The following LYRM4 variants were observed in gnomAD, a reference collection of about 807,000 sequenced individuals.
LYRM4 encodes the protein LYR motif containing 4.
Under a neutral mutation model 11.7 loss-of-function variants are expected in LYRM4, and 9 were observed. The ratio of observed to expected loss-of-function variants is 0.77; its 90% CI spans 0.46 to 1.34. The LOEUF (loss-of-function observed/expected upper bound fraction) is 1.34, where lower values mean the gene tolerates loss of function less well. LYRM4 is among the 40% of genes most tolerant of loss of function. LYRM4 has a pLI of 0.00. For missense variants in LYRM4, 133 were observed against 112.5 expected (o/e 1.18, Z -0.82); for synonymous variants, 42 against 40.4 (o/e 1.04, Z -0.15).
At chr6:5,178,864 A>G (rs1346170035) in intron 2 of LYRM4, among the ~76,000 whole-genome samples, 3 of 150,202 alleles carry the variant, frequency 2.0e-5, no homozygotes, top group African/African-American at 7.3e-5. Flanking sequence ...TCACTGCTAC[A>G]AAGCGTTGAA....
intron 1 of LYRM4, among the ~76,000 whole-genome samples, chr6:5,250,688 T>G (rs1473210841): frequency 6.6e-6 from 1 of 151,512 alleles, no homozygotes; most frequent in Non-Finnish European, 1.5e-5. Context: ...CGCCACAGGC[T>G]CTATATGAAA....
chr6:5,243,695 G>A (rs558303575), intron 1 of LYRM4, among the ~76,000 whole-genome samples: 155 of 152,282 alleles, frequency 1.0e-3, no homozygotes, highest in African/African-American at 3.5e-3. Context: ...GATAATAGAA[G>A]CTATGAAACA....
chr6:5,178,512 G>A (rs1013350690), intron 2 of LYRM4, among the ~76,000 whole-genome samples: 1 of 150,494 alleles, frequency 6.6e-6, no homozygotes, highest in African/African-American at 2.4e-5. Context: ...GTGGAGCGGG[G>A]AATGAAAAAT....
chr6:5,146,028 C>T (rs1482709574), intron 2 of LYRM4, among the ~76,000 whole-genome samples: 2 of 152,168 alleles, frequency 1.3e-5, no homozygotes, highest in Non-Finnish European at 2.9e-5. Flanking sequence ...ATTCCTCTAG[C>T]ATATATATAC....
Position 5,212,751 on chromosome 6 carries a change from G to A in LYRM4, c.207+3867C>T, listed in dbSNP as rs200045563. Among the ~76,000 whole-genome samples, 10 of 152,344 alleles carry A rather than the reference G, an allele frequency of 6.6e-5. No homozygotes were observed. In the East Asian group the frequency reaches 1.7e-3, roughly 26 times the overall value. On this transcript the variant is annotated intron_variant, in intron 2 of 2. Coordinates refer to ENST00000330636, the MANE Select transcript of LYRM4 (RefSeq NM_020408.6). ...GACATGAGGCATGAAGTGGGAAAGA[G>A]ATTCGAGACTGACAGACTGGATGGT...
chr6:5,114,023 C>G (rs551474473), intron 2 of LYRM4, among the ~76,000 whole-genome samples: 4 of 152,352 alleles, frequency 2.6e-5, no homozygotes, highest in East Asian at 3.9e-4. Context: ...AGTTTACACT[C>G]TCCAGACTCC....
intron 2 of LYRM4, among the ~76,000 whole-genome samples, chr6:5,206,610 GCTA>G (rs778877995): frequency 2.0e-5 from 3 of 152,180 alleles, no homozygotes; most frequent in Non-Finnish European, 2.9e-5. Flanking sequence ...TCATGGTGAT[GCTA>G]TCACTAACTT....
At position 5,108,482 on chromosome 6, in the gene LYRM4, G is replaced by A. The variant is rs1009725606; in HGVS notation, c.*941C>T. The A allele has an allele frequency of 2.1e-6, 2 of 943,256 alleles. No individual in the cohort carries two copies. The highest frequency in any genetic ancestry group is 2.5e-6 in the Non-Finnish European group (2 of 791,296). The allele number at this position is 943,256 out of a possible 1,614,324, so 58.4% of individuals were successfully genotyped here. On this transcript the variant is annotated 3_prime_UTR_variant, in exon 3 of 3. Transcript: ENST00000330636. ...ACTTAAAGAGCAGGGGTCCCCAGTT[G>A]GTTAAACATTGAAAACAGTGGGAGA...
In LYRM4 at chr6:5,193,000, G is replaced by T. The variant is rs530742887; in HGVS notation, c.207+23618C>A. Among the ~76,000 whole-genome samples the T allele has an allele frequency of 2.6e-5, 4 of 152,262 alleles. No individual in the cohort carries two copies. In the South Asian group the frequency reaches 6.2e-4, roughly 24 times the overall value. On this transcript the variant is annotated intron_variant, in intron 2 of 2. Coordinates refer to ENST00000330636, the MANE Select transcript of LYRM4 (RefSeq NM_020408.6). ...GATCACGCCACTGTACTCCAGCCTG[G>T]GTGACAGTGTGAGGCTCTGTCTCAA...
chr6:5,160,781 A>T (rs772219100), intron 2 of LYRM4, among the ~76,000 whole-genome samples: 1 of 152,326 alleles, frequency 6.6e-6, no homozygotes, highest in South Asian at 2.1e-4. Context: ...GCACCTGCTC[A>T]GTGCACGGTT....
At chr6:5,255,923 T>C (rs1243246650) in intron 1 of LYRM4, among the ~76,000 whole-genome samples, 1 of 152,182 alleles carries the variant, frequency 6.6e-6, no homozygotes, top group South Asian at 2.1e-4. Flanking sequence ...ATCTAATATC[T>C]AGGTTTTAAT....
chr6:5,117,412 G>A (rs762369263), intron 2 of LYRM4, among the ~76,000 whole-genome samples: 9 of 152,118 alleles, frequency 5.9e-5, no homozygotes, highest in Non-Finnish European at 1.2e-4. Context: ...AAGATTAGCT[G>A]GGTGTGATGG....
chr6:5,169,837 AC>A (rs764029998), intron 2 of LYRM4, among the ~76,000 whole-genome samples: 19 of 152,084 alleles, frequency 1.2e-4, no homozygotes, highest in Admixed American at 3.3e-4. Context: ...GGAGGGAGGG[AC>A]CCATGACCAG....
At chr6:5,057,589 C>T in the LYRM4 span, among the ~76,000 whole-genome samples, 4 of 152,024 alleles carry the variant, frequency 2.6e-5, no homozygotes, top group East Asian at 2.0e-4. Context: ...TATGATGGCG[C>T]CTGTAATCCC....
At chr6:5,247,339 T>C (rs1468131381) in intron 1 of LYRM4, among the ~76,000 whole-genome samples, 1 of 152,212 alleles carries the variant, frequency 6.6e-6, no homozygotes, top group Non-Finnish European at 1.5e-5. Flanking sequence ...CAAGATTTGC[T>C]GGATGAATAA....
intron 2 of LYRM4, among the ~76,000 whole-genome samples, chr6:5,110,516 A>G (rs75756410): frequency 0.024 from 3,642 of 152,328 alleles, 50 homozygotes; most frequent in Middle Eastern, 0.078. Flanking sequence ...GCCCTTGCAC[A>G]GAGGTATCTT....
chr6:5,251,978 C>A (rs562883818), intron 1 of LYRM4, among the ~76,000 whole-genome samples: 26 of 152,138 alleles, frequency 1.7e-4, no homozygotes, highest in Non-Finnish European at 3.7e-4. Context: ...GATTCCTAAA[C>A]ACGAATCATT....
chr6:5,081,719 T>C, the LYRM4 span, among the ~76,000 whole-genome samples: 1 of 152,276 alleles, frequency 6.6e-6, no homozygotes, highest in Non-Finnish European at 1.5e-5. Context: ...ACTTACATTG[T>C]TAGTGTTATT....
intron 2 of LYRM4, among the ~76,000 whole-genome samples, chr6:5,213,242 T>G (rs1043785300): frequency 5.8e-4 from 88 of 152,350 alleles, no homozygotes; most frequent in African/African-American, 2.0e-3. Flanking sequence ...TTCCTGCATC[T>G]CGGTTTCTCT....
Sources: allele counts gnomAD v4.1 joint callset (sites outside exome capture counted in the v4.1 genomes callset), GRCh38; gene constraint gnomAD v4.1.1; transcripts MANE v1.5; gene names NCBI Gene and HGNC (gene_info 2026-07-23, HGNC 2026-07-21).